The following PPCDC variants were observed in gnomAD, a reference collection of about 807,000 sequenced individuals.
PPCDC encodes the protein phosphopantothenoylcysteine decarboxylase.
PPCDC carries 20 observed loss-of-function variants against 20.7 expected under a neutral mutation model. That is an observed-to-expected ratio of 0.97 (90% CI 0.68 to 1.41). The LOEUF (loss-of-function observed/expected upper bound fraction) is 1.41, where lower values mean the gene tolerates loss of function less well. Among genes scored for constraint, PPCDC ranks in the 40% most tolerant of loss-of-function variants. The probability of loss-of-function intolerance (pLI) is 0.00; values close to 1 mark genes in which losing one functional copy is unlikely to be tolerated. For missense variants in PPCDC, 246 were observed against 263.8 expected, an observed-to-expected ratio of 0.93 and a Z score of 0.47; for synonymous variants, 88 against 100.3, an observed-to-expected ratio of 0.88 and a Z score of 0.73.
In PPCDC at chr15:75,050,092, A is replaced by G. The variant is rs916971991; in HGVS notation, c.*857A>G. On this transcript the variant is annotated 3_prime_UTR_variant, in exon 6 of 6. Transcript: ENST00000342932. ...CTGGAACGTAGTAAATGTCAAATCA[A>G]TGGAAGTTAAAACTAGGCATGCATA... 2.6e-5 allele frequency: 4 copies of G among 152,234 alleles called. No individual in the cohort carries two copies. The highest frequency in any genetic ancestry group is 9.6e-5 in the African/African-American group (4 of 41,464). 9.4% of individuals were successfully genotyped at this position (152,234 alleles called of 1,614,324 possible). A position where few individuals can be genotyped will look rare whatever the true frequency, so the allele number is the denominator to read the frequency against.
In PPCDC at chr15:75,049,321, G is replaced by T; in HGVS notation, c.*86G>T. On this transcript the variant is annotated 3_prime_UTR_variant, in exon 6 of 6. Coordinates refer to ENST00000342932, the MANE Select transcript of PPCDC (RefSeq NM_021823.5). ...AAGATGGATGTTGGCAAAATAGGAG[G>T]ATACCCTCATTTGCTGAATGGGGGA... The T allele has an allele frequency of 1.5e-6, 2 of 1,314,968 alleles. No individual in the cohort carries two copies. Among genetic ancestry groups the T allele is most frequent in the South Asian group, 2.5e-5 (2 of 79,646 alleles). The allele number at this position is 1,314,968 out of a possible 1,614,324, so 81.5% of individuals were successfully genotyped here.
chr15:75,028,095 T>C, intron 1 of PPCDC, 152 bp from the exon 2 acceptor site: 1 of 562,430 alleles, frequency 1.8e-6, no homozygotes, highest in African/African-American at 1.9e-5. Flanking sequence ...GGGGAAGGTG[T>C]CTCACTTTCT....
At chr15:75,028,183 G>A (rs967842817) in intron 1 of PPCDC, 64 bp from the exon 2 acceptor site, 20 of 1,215,292 alleles carry the variant, frequency 1.6e-5, no homozygotes, top group South Asian at 3.2e-5. Flanking sequence ...GGCCTAATAC[G>A]TGGTGCTCCA....
intron 1 of PPCDC, among the ~76,000 whole-genome samples, chr15:75,025,211 C>G (rs979608326): frequency 6.6e-6 from 1 of 152,190 alleles, no homozygotes; most frequent in Admixed American, 6.5e-5. Context: ...GGAGCAGAAG[C>G]CTGGGCAGCC....
rs753525367 is a variant in PPCDC, at chr15:75,044,516, T to C, written c.360+2T>C. 3.7e-6 allele frequency: 6 copies of C among 1,613,582 alleles called. No individual in the cohort carries two copies. Among genetic ancestry groups the C allele is most frequent in the Non-Finnish European group, 5.1e-6 (6 of 1,179,714 alleles). On this transcript the variant is annotated splice_donor_variant, in intron 4 of 5. Coordinates refer to ENST00000342932, the MANE Select transcript of PPCDC (RefSeq NM_021823.5). LOFTEE classifies it high-confidence loss of function. ...AGTGGCATCTGTGACAACTTGCTTG[T>C]GAGTGATGTCCTGGTGCCCTCGTCC... is the stretch of plus-strand genomic sequence containing the variant.
Position 75,028,467 on chromosome 15 carries a change from C to G in PPCDC, c.135+14C>G. 6.2e-7 allele frequency: 1 copy of G among 1,614,130 alleles called. No individual in the cohort carries two copies. The highest frequency in any genetic ancestry group is 1.3e-5 in the African/African-American group (1 of 75,046). On this transcript the variant is annotated intron_variant, in intron 2 of 5. Coordinates refer to ENST00000342932, the MANE Select transcript of PPCDC (RefSeq NM_021823.5). ...GACATTCCTGGGGTGAGTATCCTCA[C>G]CAGATAAGCATGGCAGCCTCCGGCA...
chr15:75,045,566 G>A (rs919749198), intron 4 of PPCDC, among the ~76,000 whole-genome samples: 2 of 152,086 alleles, frequency 1.3e-5, no homozygotes, highest in Non-Finnish European at 2.9e-5. Flanking sequence ...ATGTTTTTTG[G>A]GGTCACAGAT....
intron 3 of PPCDC, 44 bp from the exon 4 acceptor site, chr15:75,044,342 A>G: frequency 6.2e-7 from 1 of 1,607,122 alleles, no homozygotes; most frequent in Non-Finnish European, 8.5e-7. Context: ...TTGGCGCTGC[A>G]TCCTGCTTCC....
rs10659441 is a variant in PPCDC, at chr15:75,032,736, A to G, written c.135+4283A>G. 4.9e-5 allele frequency among the ~76,000 whole-genome samples: 6 copies of G among 122,152 alleles called. 2 individuals carry two copies. Among genetic ancestry groups the G allele is most frequent in the Non-Finnish European group, 1.0e-4 (6 of 58,608 alleles). The allele number at this position is 122,152 out of a possible 152,430, so 80.1% of individuals were successfully genotyped here. A position where few individuals can be genotyped will look rare whatever the true frequency, so the allele number is the denominator to read the frequency against. ...GCTAGCAAACTGGACCCCCCCCCCC[A>G]AGGCCAAATTCGGCTCTGCCTGTTT... On this transcript the variant is annotated intron_variant, in intron 2 of 5. Transcript: ENST00000342932.
At chr15:75,028,151 G>T in intron 1 of PPCDC, 96 bp from the exon 2 acceptor site, 2 of 863,814 alleles carry the variant, frequency 2.3e-6, no homozygotes, top group Non-Finnish European at 1.7e-6. Flanking sequence ...GATCCCTTCC[G>T]CTGCCTCAGC....
intron 2 of PPCDC, 153 bp from the exon 3 acceptor site, chr15:75,043,288 A>G: frequency 1.6e-6 from 1 of 628,140 alleles, no homozygotes; most frequent in Non-Finnish European, 2.8e-6. Flanking sequence ...AGCTAAGCAG[A>G]CATGAGGCTT....
At chr15:75,040,590 C>A (rs1336973024) in intron 2 of PPCDC, among the ~76,000 whole-genome samples, 1 of 152,112 alleles carries the variant, frequency 6.6e-6, no homozygotes, top group Non-Finnish European at 1.5e-5. Flanking sequence ...TATATATTTA[C>A]TATAATTATT....
chr15:75,043,071 G>A (rs950354362), intron 2 of PPCDC, among the ~76,000 whole-genome samples: 2 of 152,256 alleles, frequency 1.3e-5, no homozygotes, highest in Admixed American at 1.3e-4. Context: ...GGCCCCTCCT[G>A]CCTGCTGTGG....
At chr15:75,035,353 G>T (rs561551193) in intron 2 of PPCDC, among the ~76,000 whole-genome samples, 9 of 152,258 alleles carry the variant, frequency 5.9e-5, no homozygotes, top group Admixed American at 5.2e-4. Context: ...CATGGGATTT[G>T]TCTCATCCTG....
At chr15:75,039,353 T>C (rs2066124580) in intron 2 of PPCDC, among the ~76,000 whole-genome samples, 1 of 152,164 alleles carries the variant, frequency 6.6e-6, no homozygotes, top group Non-Finnish European at 1.5e-5. Flanking sequence ...TAGGGTCAAG[T>C]AGGGGAAGCA....
In PPCDC at chr15:75,049,149, G is replaced by A. The variant is rs2066280161; in HGVS notation, c.530-1G>A. 4.3e-6 allele frequency: 7 copies of A among 1,614,004 alleles called. No homozygotes were observed. In the South Asian group the frequency reaches 7.7e-5, roughly 18 times the overall value. On this transcript the variant is annotated splice_acceptor_variant, in intron 5 of 5. Transcript: ENST00000342932. LOFTEE classifies it high-confidence loss of function. ...TGGCCACAGCGGAATTTTGCTCCCA[G>A]GTCTCGGGGCCATGGCTGAAGTGGG...
At chr15:75,029,440 C>T (rs964855203) in intron 2 of PPCDC, among the ~76,000 whole-genome samples, 2 of 152,180 alleles carry the variant, frequency 1.3e-5, no homozygotes, top group African/African-American at 4.8e-5. Context: ...GGTGCAGTGG[C>T]CGTATCTGGC....
At chr15:75,032,737 AG>A (rs1418510456) in intron 2 of PPCDC, among the ~76,000 whole-genome samples, 1 of 20,496 alleles carries the variant, frequency 4.9e-5, no homozygotes, top group Non-Finnish European at 1.4e-4. Flanking sequence ...CCCCCCCCCA[AG>A]GCCAAATTCG....
At chr15:75,038,969 G>A (rs773738971) in intron 2 of PPCDC, among the ~76,000 whole-genome samples, 2 of 150,842 alleles carry the variant, frequency 1.3e-5, no homozygotes, top group Non-Finnish European at 3.0e-5. Flanking sequence ...TTTGTTCCTT[G>A]AATACTCATT....
Sources: gnomAD v4.1 joint callset for allele counts (sites outside exome capture counted in the v4.1 genomes callset) on GRCh38, gnomAD v4.1.1 for gene constraint, MANE v1.5 for transcripts, NCBI Gene and HGNC (gene_info 2026-07-23, HGNC 2026-07-21) for gene names.